Variants in OR1S2 observed in about 807,000 individuals in gnomAD.
OR1S2 encodes olfactory receptor 1S2.
A neutral mutation model predicts 1.7 loss-of-function variants in OR1S2; 1 was observed. The observed-to-expected ratio is 0.59, with a 90% CI of 0.21 to 2.81. The LOEUF (loss-of-function observed/expected upper bound fraction) is 2.81. Ranked by LOEUF, OR1S2 falls within the 30% of genes most tolerant of loss-of-function variation. OR1S2 has a pLI of 0.22. For missense variants in OR1S2, 391 were observed against 371.6 expected (o/e 1.05, Z -0.43); for synonymous variants, 157 against 145.3 (o/e 1.08, Z -0.58).
exon 1 of OR1S2, chr11:58,203,264 C>T (rs1380910277): frequency 1.9e-6 from 3 of 1,613,884 alleles, no homozygotes; most frequent in Non-Finnish European, 2.5e-6. Flanking sequence ...TATCCTTATT[C>T]CTCAAGCTGT....
exon 1 of OR1S2, chr11:58,203,516 G>C (rs756816745): frequency 3.1e-6 from 5 of 1,614,122 alleles, no homozygotes; most frequent in Non-Finnish European, 4.2e-6. Context: ...GTACAAAGGG[G>C]AAGATGATAA....
At position 58,203,488 on chromosome 11, in the gene OR1S2, CATAGG is replaced by C. The variant is rs1342716946; in HGVS notation, c.650_654del (p.Ser217CysfsTer50). On this transcript the variant is annotated frameshift_variant, in exon 1 of 1. Transcript: ENST00000641683. LOFTEE classifies it high-confidence loss of function. ...CCCAGGACAGCTCTGATGATGCAGA[CATAGG>C]AGAAGAAGATGAGTACAAAGGGGAA... The C allele has an allele frequency of 1.2e-6, 2 of 1,613,866 alleles. No homozygotes were observed. The highest frequency in any genetic ancestry group is 1.7e-6 in the Non-Finnish European group (2 of 1,179,980).
At position 58,204,055 on chromosome 11, in the gene OR1S2, GC is replaced by G. The variant is rs770604851; in HGVS notation, c.87del (p.Leu30PhefsTer3). ...GTGACCACATACATACTCAGGAAAA[GC>G]ACAAAGAGGAGGTTTTGATGTTCAG... is the stretch of plus-strand genomic sequence containing the variant. On this transcript the variant is annotated frameshift_variant, in exon 1 of 1. Transcript: ENST00000641683. LOFTEE classifies it low-confidence loss of function (END_TRUNC). 6.2e-7 allele frequency: 1 copy of G among 1,614,004 alleles called. No homozygotes were observed. The highest frequency in any genetic ancestry group is 8.5e-7 in the Non-Finnish European group (1 of 1,179,930).
chr11:58,203,564 C>T (rs1854872878), exon 1 of OR1S2: 9 of 1,614,016 alleles, frequency 5.6e-6, no homozygotes, highest in South Asian at 4.4e-5. Flanking sequence ...GCTCATTGAT[C>T]ATTGTATCTG....
In OR1S2 at chr11:58,203,907, G is replaced by C. The variant is rs771294582; in HGVS notation, c.236C>G (p.Pro79Arg). The C allele has an allele frequency of 3.6e-5, 58 of 1,613,966 alleles. No homozygotes were observed. Among genetic ancestry groups the C allele is most frequent in the African/African-American group, 6.7e-5 (5 of 74,894 alleles). ...GGTTTGAATATTCACCAGCATTTTG[G>C]GGACTGAGTTGGAAATGGAGGAAAT... is the stretch of plus-strand genomic sequence containing the variant. The change falls in exon 1 of 1, where the codon CCC becomes CGC. Residue 79 changes from proline to arginine, a missense_variant. Physicochemically the swap from Pro to Arg is moderately radical, Grantham distance 103 (BLOSUM62 -2). Transcript: ENST00000641683.
exon 1 of OR1S2, chr11:58,203,518 A>G (rs1468409910): frequency 6.2e-7 from 1 of 1,614,020 alleles, no homozygotes; most frequent in African/African-American, 1.3e-5. Context: ...ACAAAGGGGA[A>G]GATGATAACT....
chr11:58,204,136 G>A lies in OR1S2; in HGVS notation c.7C>T (p.Gln3Ter). ...TCAGTGATGGTGGTTTGGTTTTCTTGATGCATATTTCTGCTGATCTGAAGA... is the reference window on the plus strand; with the variant it reads ...TCAGTGATGGTGGTTTGGTTTTCTTAATGCATATTTCTGCTGATCTGAAGA... Residue 3 changes from glutamine to a stop codon, truncating the protein, a stop_gained, in exon 1 of 1, where the codon CAA becomes TAA. Transcript: ENST00000641683. LOFTEE classifies it low-confidence loss of function (END_TRUNC). 1 of 1,613,856 alleles carries A rather than the reference G, an allele frequency of 6.2e-7. No homozygotes were observed. Among genetic ancestry groups the A allele is most frequent in the African/African-American group, 1.3e-5 (1 of 75,012 alleles).
chr11:58,203,361 A>G (rs1218048815), exon 1 of OR1S2: 2 of 1,613,840 alleles, frequency 1.2e-6, no homozygotes, highest in Admixed American at 3.3e-5. Flanking sequence ...GGAGGAGGGG[A>G]AAAAGTACAC....
chr11:58,203,535 C>T, exon 1 of OR1S2: 1 of 1,614,064 alleles, frequency 6.2e-7, no homozygotes, highest in Non-Finnish European at 8.5e-7. Flanking sequence ...AACTGATAAA[C>T]CCACAATAAA....
At chr11:58,203,234 C>A in exon 1 of OR1S2, 2 of 1,611,558 alleles carry the variant, frequency 1.2e-6, no homozygotes, top group South Asian at 1.1e-5. Flanking sequence ...TATTGATGAG[C>A]TTTCTCAGGG....
At chr11:58,203,788 C>T (rs762769568) in exon 1 of OR1S2, 7 of 1,614,024 alleles carry the variant, frequency 4.3e-6, no homozygotes, top group South Asian at 1.1e-5. Context: ...TGGTCGAAGG[C>T]CATGGTCCCC....
exon 1 of OR1S2, chr11:58,203,909 G>A (rs1227702010): frequency 6.2e-7 from 1 of 1,614,140 alleles, no homozygotes; most frequent in African/African-American, 1.3e-5. Flanking sequence ...GCATTTTGGG[G>A]ACTGAGTTGG....
chr11:58,203,243 G>A, exon 1 of OR1S2: 3 of 1,612,508 alleles, frequency 1.9e-6, no homozygotes, highest in Non-Finnish European at 2.5e-6. Flanking sequence ...GCTTTCTCAG[G>A]GCACCTTTCA....
At chr11:58,203,836 A>C (rs765743327) in exon 1 of OR1S2, 2 of 1,614,146 alleles carry the variant, frequency 1.2e-6, no homozygotes, top group Non-Finnish European at 1.7e-6. Context: ...ACAATAGAAA[A>C]GTACATCTGT....
At chr11:58,204,008 G>C (rs780246369) in exon 1 of OR1S2, 3 of 1,614,056 alleles carry the variant, frequency 1.9e-6, no homozygotes, top group East Asian at 2.2e-5. Context: ...TAGCCACAAT[G>C]ATGAGCCCGT....
exon 1 of OR1S2, chr11:58,203,343 G>C: frequency 6.2e-7 from 1 of 1,614,066 alleles, no homozygotes; most frequent in Non-Finnish European, 8.5e-7. Context: ...AGTGTCCTCA[G>C]GGTGAGTGGA....
At position 58,203,695 on chromosome 11, in the gene OR1S2, A is replaced by T; in HGVS notation, c.448T>A (p.Phe150Ile). The change falls in exon 1 of 1, where the codon TTC (phenylalanine) becomes ATC (isoleucine). Residue 150 changes from phenylalanine to isoleucine, a missense_variant. Coordinates refer to ENST00000641683, the Ensembl canonical transcript of OR1S2. ...GTAAGAGCAATAATATTACTGAGGA[A>T]CCACGAGATGACTGTGAGCAAAGTG... 2 of 1,614,110 alleles carry T rather than the reference A, an allele frequency of 1.2e-6. No individual in the cohort carries two copies. Among genetic ancestry groups the T allele is most frequent in the Non-Finnish European group, 1.7e-6 (2 of 1,179,990 alleles).
chr11:58,203,697 C>A (rs1243289780), exon 1 of OR1S2: 1 of 1,614,004 alleles, frequency 6.2e-7, no homozygotes, highest in South Asian at 1.1e-5. Context: ...ACTGAGGAAC[C>A]ACGAGATGAC....
exon 1 of OR1S2, chr11:58,203,916 T>G: frequency 6.2e-7 from 1 of 1,613,916 alleles, no homozygotes; most frequent in Non-Finnish European, 8.5e-7. Context: ...GGGGACTGAG[T>G]TGGAAATGGA....
Sources: allele counts gnomAD v4.1 joint callset, GRCh38; gene constraint gnomAD v4.1.1; transcripts MANE v1.5; gene names NCBI Gene and HGNC (gene_info 2026-07-23, HGNC 2026-07-21).